The following BICD1 variants were observed in gnomAD, a reference collection of about 807,000 sequenced individuals.
The protein encoded by BICD1 is protein bicaudal D homolog 1.
In BICD1, 35 loss-of-function variants were observed where a neutral mutation model predicts 92.5. The observed-to-expected ratio is 0.38, with a 90% confidence interval of 0.29 to 0.50. The LOEUF is 0.50. Ranked by LOEUF, BICD1 falls within the 20% of genes least tolerant of loss-of-function variation. The pLI, the probability that BICD1 is intolerant of heterozygous loss-of-function variation, is 0.93. For synonymous variants in BICD1, 429 were observed against 465.1 expected (o/e 0.92, Z 1.00); for missense variants, 950 against 1,189.8 (o/e 0.80, Z 2.97).
rs78043375 is a variant in BICD1, at chr12:32,380,670, A to C, written c.*3043A>C. The C allele has an allele frequency of 6.6e-6, 1 of 152,134 alleles. No homozygotes were observed. Among genetic ancestry groups the C allele is most frequent in the Non-Finnish European group, 1.5e-5 (1 of 67,984 alleles). 9.4% of individuals were successfully genotyped at this position (152,134 alleles called of 1,614,324 possible). ...TTGGCTTAATCTTTCTGGTCCACAC[A>C]TAATCCATTAGATCCCATTCATATA... On this transcript the variant is annotated 3_prime_UTR_variant, in exon 10 of 10. Coordinates refer to ENST00000652176, the MANE Select transcript of BICD1 (RefSeq NM_001714.4).
At chr12:32,280,866 C>G (rs1194834523) in intron 2 of BICD1, among the ~76,000 whole-genome samples, 6 of 152,164 alleles carry the variant, frequency 3.9e-5, no homozygotes, top group Admixed American at 3.9e-4. Context: ...TTGGAAGGGT[C>G]TAGCTTGGGC....
chr12:32,320,910 ACTC>A (rs1435394187), intron 4 of BICD1, among the ~76,000 whole-genome samples: 3 of 152,168 alleles, frequency 2.0e-5, no homozygotes, highest in South Asian at 2.1e-4. Flanking sequence ...ATCATAATAA[ACTC>A]CTCAACTCTC....
chr12:32,139,545 G>A (rs1017754705), intron 1 of BICD1, among the ~76,000 whole-genome samples: 7 of 152,152 alleles, frequency 4.6e-5, no homozygotes, highest in African/African-American at 1.7e-4. Context: ...CTAGCATACG[G>A]TGGGCACAAA....
chr12:32,303,473 C>G (rs970371197), intron 3 of BICD1, among the ~76,000 whole-genome samples: 4 of 152,036 alleles, frequency 2.6e-5, no homozygotes, highest in Non-Finnish European at 5.9e-5. Flanking sequence ...TTTCCTGGGC[C>G]CAGTGCTGCC....
intron 1 of BICD1, among the ~76,000 whole-genome samples, chr12:32,187,942 G>GC (rs1944465222): frequency 8.2e-6 from 1 of 121,738 alleles, no homozygotes; most frequent in Non-Finnish European, 1.8e-5. Flanking sequence ...TACTATAAAT[G>GC]CATTTTTTTT....
chr12:32,306,426 A>G (rs375875089), intron 4 of BICD1, among the ~76,000 whole-genome samples: 12 of 151,720 alleles, frequency 7.9e-5, no homozygotes, highest in African/African-American at 1.9e-4. Flanking sequence ...TTGTATTTTT[A>G]GTAGAGACGG....
At chr12:32,222,927 C>T (rs1342450889) in intron 2 of BICD1, among the ~76,000 whole-genome samples, 1 of 152,158 alleles carries the variant, frequency 6.6e-6, no homozygotes, top group Non-Finnish European at 1.5e-5. Flanking sequence ...TCTTCAGCCT[C>T]CAGAACTGTG....
intron 2 of BICD1, among the ~76,000 whole-genome samples, chr12:32,237,186 C>G (rs73310720): frequency 0.13 from 19,151 of 152,000 alleles, 2,005 homozygotes; most frequent in African/African-American, 0.28. Flanking sequence ...GGCCACCAAA[C>G]CCTAATTCAG....
chr12:32,351,072 G>T (rs896921786), intron 8 of BICD1, among the ~76,000 whole-genome samples: 14 of 151,778 alleles, frequency 9.2e-5, no homozygotes, highest in Admixed American at 5.9e-4. Flanking sequence ...TCTTCTGAGG[G>T]ACTGCTTCTG....
intron 1 of BICD1, among the ~76,000 whole-genome samples, chr12:32,155,095 T>G (rs1943400541): frequency 6.6e-6 from 1 of 152,238 alleles, no homozygotes; most frequent in South Asian, 2.1e-4. Flanking sequence ...ACATTTATTA[T>G]TTTTGCAGTT....
At chr12:32,114,583 A>G (rs890979362) in intron 1 of BICD1, among the ~76,000 whole-genome samples, 5 of 152,144 alleles carry the variant, frequency 3.3e-5, no homozygotes, top group East Asian at 1.9e-4. Flanking sequence ...GGGTTTTGCC[A>G]TGTAAGCCAG....
intron 2 of BICD1, among the ~76,000 whole-genome samples, chr12:32,273,927 G>C (rs1430692647): frequency 6.6e-6 from 1 of 152,160 alleles, no homozygotes; most frequent in Non-Finnish European, 1.5e-5. Context: ...AAGAGGCCAG[G>C]CTCCTCCCCG....
rs370389517 is a variant in BICD1, at chr12:32,107,371, A to G, written c.40A>G (p.Lys14Glu). 6.2e-7 allele frequency: 1 copy of G among 1,610,450 alleles called. No individual in the cohort carries two copies. Among genetic ancestry groups the G allele is most frequent in the Non-Finnish European group, 8.5e-7 (1 of 1,178,714 alleles). The change falls in exon 1 of 10, where the codon AAG becomes GAG. Residue 14 changes from lysine to glutamate, a missense_variant. Physicochemically the swap from Lys to Glu is moderately conservative, Grantham distance 56 (BLOSUM62 1). This residue lies in a region of BICD1 where 202 missense variants were observed against 205.3 expected (regional missense o/e 0.98). Transcript: ENST00000652176. ...GGTATTGCAGACGGTGGACCATTAT[A>G]AGACTGAGATAGAGAGGCTAACCAA... Reference protein sequence around the residue: ...EEVLQTVDHYKTEIERLTKEL... With the variant: ...EEVLQTVDHYETEIERLTKEL...
chr12:32,107,245 C>T lies in BICD1; in HGVS notation c.-87C>T, dbSNP rs1941504729. On this transcript the variant is annotated 5_prime_UTR_variant, in exon 1 of 10. Transcript: ENST00000652176. The stretch of plus-strand genomic sequence containing the variant: ...CTTTCTTTTCCGTTTCCACCCATCC[C>T]TTCCCATTTCCTTCTCCCTTTCCCC... 2 of 1,255,608 alleles carry T rather than the reference C, an allele frequency of 1.6e-6. No individual in the cohort carries two copies. The highest frequency in any genetic ancestry group is 1.4e-5 in the South Asian group (1 of 69,240). The allele number at this position is 1,255,608 out of a possible 1,614,324, so 77.8% of individuals were successfully genotyped here.
chr12:32,175,935 A>G (rs1175072426), intron 1 of BICD1, among the ~76,000 whole-genome samples: 1 of 152,150 alleles, frequency 6.6e-6, no homozygotes, highest in Non-Finnish European at 1.5e-5. Flanking sequence ...TTCTTGTTTC[A>G]GTGGATTTGC....
chr12:32,117,751 TATATATA>T (rs1297437412), intron 1 of BICD1, among the ~76,000 whole-genome samples: 96 of 94,330 alleles, frequency 1.0e-3, no homozygotes, highest in Middle Eastern at 8.2e-3. Context: ...TATATATATA[TATATATA>T]TTTTTTTTTA....
At chr12:32,254,201 C>T (rs111865723) in intron 2 of BICD1, among the ~76,000 whole-genome samples, 6,198 of 147,014 alleles carry the variant, frequency 0.042, 177 homozygotes, top group Middle Eastern at 0.071. Flanking sequence ...ATCCCACCTG[C>T]CATAATCACT....
rs1410610327 is a variant in BICD1 at position 32,316,927 on chromosome 12, T to G, written c.1006-10534T>G. ...GTGTCCATGTGTTCTCATTGTTCAA[T>G]TCCCACCTATGAGTGAGAACATGCT... On this transcript the variant is annotated intron_variant, in intron 4 of 9. Coordinates refer to ENST00000652176, the MANE Select transcript of BICD1 (RefSeq NM_001714.4). 2.0e-5 allele frequency among the ~76,000 whole-genome samples: 3 copies of G among 152,140 alleles called. No homozygotes were observed. In the East Asian group the frequency reaches 5.8e-4, roughly 29 times the overall value.
At chr12:32,174,541 CTT>C (rs1339199219) in intron 1 of BICD1, among the ~76,000 whole-genome samples, 1 of 152,090 alleles carries the variant, frequency 6.6e-6, no homozygotes, top group African/African-American at 2.4e-5. Context: ...TTGGATTACT[CTT>C]TGTTTTCTTC....
Sources: allele counts gnomAD v4.1 joint callset (sites outside exome capture counted in the v4.1 genomes callset), GRCh38; gene constraint gnomAD v4.1.1; regional missense constraint gnomAD v4.1.1; transcripts MANE v1.5; gene names NCBI Gene and HGNC (gene_info 2026-07-23, HGNC 2026-07-21).